The following PDE12 variants were observed in gnomAD, a reference collection of about 807,000 sequenced individuals.
PDE12 encodes phosphodiesterase 12.
Under a neutral mutation model 45.4 loss-of-function variants are expected in PDE12, and 26 were observed. That is an observed-to-expected ratio of 0.57 (90% CI 0.42 to 0.79). The LOEUF is 0.79. Ranked by LOEUF, PDE12 falls within the 30% of genes least tolerant of loss-of-function variation. The probability of loss-of-function intolerance (pLI) is 0.00; values close to 1 mark genes in which losing one functional copy is unlikely to be tolerated. For synonymous variants in PDE12, 283 were observed against 323.9 expected (o/e 0.87, Z 1.36); for missense variants, 668 against 790.0 (o/e 0.85, Z 1.85).
chr3:57,574,408 AT>A, the PDE12 span, among the ~76,000 whole-genome samples: 185 of 145,272 alleles, frequency 1.3e-3, 2 homozygotes, highest in African/African-American at 3.0e-3. Context: ...AGAAGTACAA[AT>A]TTTTTTTTTT....
At chr3:57,601,743 C>CTTTTTT in the PDE12 span, among the ~76,000 whole-genome samples, 1 of 103,728 alleles carries the variant, frequency 9.6e-6, no homozygotes, top group Non-Finnish European at 2.0e-5. Context: ...TTCTTTCCTT[C>CTTTTTT]TTTTTTTTTT....
the PDE12 span, among the ~76,000 whole-genome samples, chr3:57,635,810 CTG>C: frequency 1.4e-4 from 21 of 152,278 alleles, no homozygotes; most frequent in Admixed American, 9.2e-4. Flanking sequence ...TGGGTTTAAA[CTG>C]TGCATATTCA....
chr3:57,629,535 G>T, the PDE12 span, among the ~76,000 whole-genome samples: 1 of 137,032 alleles, frequency 7.3e-6, no homozygotes, highest in African/African-American at 2.7e-5. Context: ...TTTTTGAGAC[G>T]GAGTCTCGCT....
chr3:57,608,385 C>T, the PDE12 span, among the ~76,000 whole-genome samples: 1 of 152,058 alleles, frequency 6.6e-6, no homozygotes, highest in Non-Finnish European at 1.5e-5. Flanking sequence ...TCACACATAA[C>T]AATATTAACC....
the PDE12 span, among the ~76,000 whole-genome samples, chr3:57,587,032 G>C: frequency 6.6e-6 from 1 of 151,938 alleles, no homozygotes; most frequent in Admixed American, 6.6e-5. Context: ...TTAAAAACAA[G>C]GTAAGGCCTG....
chr3:57,655,036 A>ATTT, the PDE12 span: 3 of 149,820 alleles, frequency 2.0e-5, no homozygotes, highest in African/African-American at 5.0e-5. Flanking sequence ...GAAAACAAGA[A>ATTT]TTTTTTTTTT....
At chr3:57,594,628 T>C in the PDE12 span, among the ~76,000 whole-genome samples, 3 of 152,236 alleles carry the variant, frequency 2.0e-5, no homozygotes, top group Non-Finnish European at 2.9e-5. Context: ...CATAGTAGTT[T>C]GGCAAACCTG....
the PDE12 span, among the ~76,000 whole-genome samples, chr3:57,590,400 C>A: frequency 0.14 from 20,490 of 151,030 alleles, 1,470 homozygotes; most frequent in South Asian, 0.21. Context: ...GCAGGAGAAT[C>A]GCTTGAACCC....
At chr3:57,636,489 T>C in the PDE12 span, among the ~76,000 whole-genome samples, 10 of 152,126 alleles carry the variant, frequency 6.6e-5, no homozygotes, top group Admixed American at 5.2e-4. Flanking sequence ...CAGCAAAATA[T>C]GATACAGAGA....
At chr3:57,639,720 G>A in the PDE12 span, among the ~76,000 whole-genome samples, 8 of 152,250 alleles carry the variant, frequency 5.3e-5, no homozygotes, top group South Asian at 1.7e-3. Context: ...GAGGCTTAAA[G>A]ATGCTATTCA....
the PDE12 span, chr3:57,596,865 G>A: frequency 1.7e-6 from 1 of 575,356 alleles, no homozygotes; most frequent in African/African-American, 1.9e-5. Context: ...CCGAAGCCCT[G>A]TCCCTGTCTC....
the PDE12 span, among the ~76,000 whole-genome samples, chr3:57,623,018 A>ATT: frequency 6.6e-6 from 1 of 152,208 alleles, no homozygotes; most frequent in Admixed American, 6.5e-5. Context: ...TGATGGTTTT[A>ATT]TGGGTGTATT....
chr3:57,618,801 T>A, the PDE12 span, among the ~76,000 whole-genome samples: 4 of 151,262 alleles, frequency 2.6e-5, no homozygotes, highest in Admixed American at 1.3e-4. Context: ...AGAGACAGGG[T>A]TTCACCATGT....
rs1016851909 is a variant in PDE12 at position 57,560,435 on chromosome 3, C to T, written c.*431C>T. The T allele has an allele frequency of 7.9e-5, 38 of 480,758 alleles. No individual in the cohort carries two copies. Among genetic ancestry groups the T allele is most frequent in the East Asian group, 5.8e-4 (4 of 6,896 alleles). The allele number at this position is 480,758 out of a possible 1,614,324, so 29.8% of individuals were successfully genotyped here. A position where few individuals can be genotyped will look rare whatever the true frequency, so the allele number is the denominator to read the frequency against. ...CCGCCCCCTGGGTTTAAGCGATTCT[C>T]CTGCCTCAGCTTCCCGAGTAGCTGG... On this transcript the variant is annotated 3_prime_UTR_variant, in exon 3 of 3. Coordinates refer to ENST00000311180, the MANE Select transcript of PDE12 (RefSeq NM_177966.7).
At chr3:57,628,970 G>A in the PDE12 span, 5 of 1,200,074 alleles carry the variant, frequency 4.2e-6, no homozygotes, top group Non-Finnish European at 1.2e-6. Context: ...TACTGTGAAG[G>A]AAAGACAAGA....
intron 2 of PDE12, 80 bp from the exon 3 acceptor site, chr3:57,559,482 C>T: frequency 3.2e-6 from 5 of 1,556,172 alleles, no homozygotes; most frequent in South Asian, 2.3e-5. Flanking sequence ...CACCCAGAGA[C>T]TGTAATTTGT....
the PDE12 span, among the ~76,000 whole-genome samples, chr3:57,652,179 C>A: frequency 6.6e-6 from 1 of 152,164 alleles, no homozygotes; most frequent in Non-Finnish European, 1.5e-5. Flanking sequence ...TAACAGAATA[C>A]GGTAGAAATG....
At chr3:57,584,888 T>C in the PDE12 span, among the ~76,000 whole-genome samples, 12 of 152,148 alleles carry the variant, frequency 7.9e-5, no homozygotes, top group Non-Finnish European at 1.6e-4. Context: ...CGGGGGGACG[T>C]ATTCTCGCTC....
At chr3:57,604,779 AT>A in the PDE12 span, among the ~76,000 whole-genome samples, 1 of 151,700 alleles carries the variant, frequency 6.6e-6, no homozygotes, top group Non-Finnish European at 1.5e-5. Context: ...TGCCTGGCTA[AT>A]TTTTAAAATT....
Sources: gnomAD v4.1 joint callset for allele counts (sites outside exome capture counted in the v4.1 genomes callset) on GRCh38, gnomAD v4.1.1 for gene constraint, MANE v1.5 for transcripts, NCBI Gene and HGNC (gene_info 2026-07-23, HGNC 2026-07-21) for gene names.